The following GRIN2B variants were observed in gnomAD, a reference collection of about 807,000 sequenced individuals.
GRIN2B encodes the protein glutamate receptor ionotropic, NMDA 2B.
In GRIN2B, 5 loss-of-function variants were observed where a neutral mutation model predicts 114.5. That is an observed-to-expected ratio of 0.04 (90% confidence interval 0.02 to 0.09). GRIN2B has a LOEUF of 0.09. Ranked by LOEUF, GRIN2B falls within the 10% of genes least tolerant of loss-of-function variation. GRIN2B has a pLI of 1.00. For synonymous variants in GRIN2B, 787 were observed against 745.1 expected, an observed-to-expected ratio of 1.06 and a Z score of -0.92; for missense variants, 1,108 against 1,943.5, an observed-to-expected ratio of 0.57 and a Z score of 8.08.
chr12:13,659,772 T>C (rs1949902672), intron 5 of GRIN2B, among the ~76,000 whole-genome samples: 1 of 152,212 alleles, frequency 6.6e-6, no homozygotes, highest in Non-Finnish European at 1.5e-5. Context: ...AATCATGTTC[T>C]TCTCAAAACC....
chr12:13,860,300 C>A (rs564275441), intron 3 of GRIN2B, among the ~76,000 whole-genome samples: 25 of 152,248 alleles, frequency 1.6e-4, no homozygotes, highest in African/African-American at 5.8e-4. Flanking sequence ...CTATTGAAAG[C>A]ATCCATTCCC....
At chr12:13,651,174 T>G (rs7316067) in intron 5 of GRIN2B, among the ~76,000 whole-genome samples, 152,216 of 152,216 alleles carry the variant, frequency 1, 76,108 homozygotes, top group Non-Finnish European at 1. Flanking sequence ...GCCTAAGATG[T>G]TTTATATCTT....
chr12:13,868,438 A>G (rs1168209722), intron 2 of GRIN2B, among the ~76,000 whole-genome samples: 1 of 149,764 alleles, frequency 6.7e-6, no homozygotes, highest in Non-Finnish European at 1.5e-5. Flanking sequence ...TGACACCACA[A>G]AGAGCTGTGG....
chr12:13,615,569 G>T lies in GRIN2B; in HGVS notation c.1424C>A (p.Thr475Asn). 6.2e-7 allele frequency: 1 copy of T among 1,611,520 alleles called. No homozygotes were observed. The highest frequency in any genetic ancestry group is 8.5e-7 in the Non-Finnish European group (1 of 1,177,630). ...LKKISKSVKF[T>N]YDLYLVTNGK... The stretch of plus-strand genomic sequence containing the variant: ...ATTGGTAACCAGGTAAAGGTCATAG[G>T]TGAACTTCACAGATTTAGAAATTTT... The change falls in exon 7 of 14, where the codon ACC becomes AAC. Residue 475 changes from threonine to asparagine, a missense_variant. Physicochemically the swap from Thr to Asn is moderately conservative, Grantham distance 65. Coordinates refer to ENST00000609686, the MANE Select transcript of GRIN2B (RefSeq NM_000834.5). The surrounding 1 kb of genome is among the most constrained non-coding windows in gnomAD (Gnocchi z 5.8).
At chr12:13,928,682 G>T (rs1866963280) in intron 2 of GRIN2B, among the ~76,000 whole-genome samples, 2 of 152,318 alleles carry the variant, frequency 1.3e-5, no homozygotes, top group Middle Eastern at 3.4e-3. Context: ...ATGATGGAAG[G>T]TTACACAATG....
At chr12:13,565,622 G>C (rs375911865) in intron 13 of GRIN2B, among the ~76,000 whole-genome samples, 3 of 152,138 alleles carry the variant, frequency 2.0e-5, no homozygotes, top group African/African-American at 7.2e-5. Context: ...GCCTGGAAAG[G>C]TGGACAAACT....
At chr12:13,694,104 C>T (rs1950237697) in intron 4 of GRIN2B, among the ~76,000 whole-genome samples, 1 of 152,120 alleles carries the variant, frequency 6.6e-6, no homozygotes, top group Admixed American at 6.6e-5. Flanking sequence ...GAAATAAGCA[C>T]ACTCTTTTTT....
chr12:13,669,592 G>C (rs1243929192), intron 5 of GRIN2B, among the ~76,000 whole-genome samples: 2 of 152,046 alleles, frequency 1.3e-5, no homozygotes, highest in South Asian at 2.1e-4. Flanking sequence ...CTCTGAGGCT[G>C]GGAGGTGGAA....
Position 13,611,640 on chromosome 12 carries a change from A to G in GRIN2B, c.1780+85T>C, listed in dbSNP as rs530587205. ...TTTCAGAAATGGATATGCTAGGGAA[A>G]ATGCAGATAACAAATGAGGAGTCCA... On this transcript the variant is annotated intron_variant, in intron 9 of 13. Transcript: ENST00000609686. 2.5e-5 allele frequency: 32 copies of G among 1,297,376 alleles called. No individual in the cohort carries two copies. In the South Asian group the frequency reaches 3.3e-4, roughly 13 times the overall value. The allele number at this position is 1,297,376 out of a possible 1,614,324, so 80.4% of individuals were successfully genotyped here. A position where few individuals can be genotyped will look rare whatever the true frequency, so the allele number is the denominator to read the frequency against.
chr12:13,597,859 G>A (rs1949095793), intron 10 of GRIN2B, among the ~76,000 whole-genome samples: 1 of 152,182 alleles, frequency 6.6e-6, no homozygotes, highest in Non-Finnish European at 1.5e-5. Context: ...AGTAGGCTTG[G>A]CACATAATAT....
intron 3 of GRIN2B, among the ~76,000 whole-genome samples, chr12:13,815,050 G>T (rs1476219652): frequency 6.6e-6 from 1 of 151,956 alleles, no homozygotes; most frequent in East Asian, 1.9e-4. Flanking sequence ...CCTTTTATAG[G>T]TCAAAAACAG....
intron 2 of GRIN2B, among the ~76,000 whole-genome samples, chr12:13,919,517 T>A (rs902997157): frequency 3.9e-5 from 6 of 152,206 alleles, no homozygotes; most frequent in African/African-American, 1.4e-4. Flanking sequence ...ACATGAAAGA[T>A]TCCAGGTAGA....
intron 5 of GRIN2B, among the ~76,000 whole-genome samples, chr12:13,630,716 TA>T (rs1231744241): frequency 6.6e-6 from 1 of 152,140 alleles, no homozygotes; most frequent in Non-Finnish European, 1.5e-5. Flanking sequence ...CAAAAACCAC[TA>T]ATTCAAACTT....
rs201864906 is a variant in GRIN2B, at chr12:13,837,086, G to GCT, written c.411+28710_411+28711dup. Among the ~76,000 whole-genome samples the GCT allele has an allele frequency of 8.7e-3, 1,328 of 152,258 alleles. 23 individuals are homozygous for GCT. The highest frequency in any genetic ancestry group is 0.03 in the African/African-American group (1,237 of 41,526). ...CTGAAATTTCCACTTGCTCTGCTGT[G>GCT]CTCTCTCTGAAACTTTCCATTCCAT... On this transcript the variant is annotated intron_variant, in intron 3 of 13. Coordinates refer to ENST00000609686, the MANE Select transcript of GRIN2B (RefSeq NM_000834.5).
At chr12:13,953,069 T>G (rs949443475) in intron 2 of GRIN2B, among the ~76,000 whole-genome samples, 2 of 151,892 alleles carry the variant, frequency 1.3e-5, no homozygotes, top group South Asian at 4.2e-4. Flanking sequence ...CAGGGATGCA[T>G]GCTAGAATCA....
intron 4 of GRIN2B, among the ~76,000 whole-genome samples, chr12:13,718,176 G>A (rs991249512): frequency 3.9e-5 from 6 of 151,934 alleles, no homozygotes; most frequent in Non-Finnish European, 7.4e-5. Context: ...CTCTAACCTG[G>A]AGCATGCTTT....
At chr12:13,938,933 A>G (rs939560643) in intron 2 of GRIN2B, among the ~76,000 whole-genome samples, 1 of 152,214 alleles carries the variant, frequency 6.6e-6, no homozygotes. Context: ...AGACAATTAA[A>G]TGCTTCTCTT....
intron 3 of GRIN2B, among the ~76,000 whole-genome samples, chr12:13,820,916 A>T (rs571214282): frequency 6.6e-6 from 1 of 152,196 alleles, no homozygotes; most frequent in African/African-American, 2.4e-5. Context: ...CCCCTTTTGA[A>T]TTCTACTGCC....
In GRIN2B at chr12:13,552,885, T is replaced by G. The variant is rs1948430853; in HGVS notation, c.*9898A>C. On this transcript the variant is annotated 3_prime_UTR_variant, in exon 14 of 14. Coordinates refer to ENST00000609686, the MANE Select transcript of GRIN2B (RefSeq NM_000834.5). ...TACCCACTCCTGTCTCAATGAAGAGTGGACTTTCTTCACTTTTTTTTTAAA... is the reference window on the plus strand; with the variant it reads ...TACCCACTCCTGTCTCAATGAAGAGGGGACTTTCTTCACTTTTTTTTTAAA... 6.6e-6 allele frequency: 1 copy of G among 152,026 alleles called. No homozygotes were observed. Among genetic ancestry groups the G allele is most frequent in the Admixed American group, 6.6e-5 (1 of 15,262 alleles). 9.4% of individuals were successfully genotyped at this position (152,026 alleles called of 1,614,324 possible). A position where few individuals can be genotyped will look rare whatever the true frequency, so the allele number is the denominator to read the frequency against.
Sources: allele counts gnomAD v4.1 joint callset (sites outside exome capture counted in the v4.1 genomes callset), GRCh38; gene constraint gnomAD v4.1.1; non-coding constraint Gnocchi (gnomAD v3.1); transcripts MANE v1.5; gene names NCBI Gene and HGNC (gene_info 2026-07-23, HGNC 2026-07-21).